ZMYM4: variants seen among roughly 807,000 people sequenced by gnomAD.
The protein encoded by ZMYM4 is zinc finger MYM-type protein 4.
ZMYM4 carries 31 observed loss-of-function variants against 183.2 expected under a neutral mutation model. The ratio of observed to expected loss-of-function variants is 0.17; its 90% CI spans 0.13 to 0.23. The LOEUF is 0.23. Among genes scored for constraint, ZMYM4 ranks in the 10% least tolerant of loss-of-function variants. The pLI, the probability that ZMYM4 is intolerant of heterozygous loss-of-function variation, is 1.00. For missense variants in ZMYM4, 1,273 were observed against 1,840.3 expected, an observed-to-expected ratio of 0.69 and a Z score of 5.64; for synonymous variants, 592 against 631.2, an observed-to-expected ratio of 0.94 and a Z score of 0.93.
chr1:35,401,730 G>A (rs1174639029), intron 23 of ZMYM4, among the ~76,000 whole-genome samples: 1 of 152,050 alleles, frequency 6.6e-6, no homozygotes, highest in Non-Finnish European at 1.5e-5. Flanking sequence ...TCTTCTAGAA[G>A]TTTTATAGTT....
At chr1:35,351,342 C>G in intron 2 of ZMYM4, 1 of 1,562,504 alleles carries the variant, frequency 6.4e-7, no homozygotes, top group Non-Finnish European at 8.8e-7. Flanking sequence ...AGATTACATG[C>G]ACTACTTAAT....
At chr1:35,298,999 A>C (rs1277983265) in intron 1 of ZMYM4, among the ~76,000 whole-genome samples, 1 of 151,176 alleles carries the variant, frequency 6.6e-6, no homozygotes, top group African/African-American at 2.4e-5. Context: ...TCTGTTTCTG[A>C]ACAAGTATTT....
chr1:35,298,941 G>A (rs1036756573), intron 1 of ZMYM4, among the ~76,000 whole-genome samples: 1 of 152,018 alleles, frequency 6.6e-6, no homozygotes, highest in Non-Finnish European at 1.5e-5. Flanking sequence ...TCTGCTGAGG[G>A]ACTTTCCTTT....
intron 7 of ZMYM4, among the ~76,000 whole-genome samples, chr1:35,379,889 C>T (rs559917717): frequency 1.3e-5 from 2 of 152,342 alleles, no homozygotes; most frequent in African/African-American, 2.4e-5. Context: ...TGCTATCTTA[C>T]ATTGACGTGG....
chr1:35,358,031 G>C lies in ZMYM4; in HGVS notation c.86-894G>C, dbSNP rs77271687. On this transcript the variant is annotated intron_variant, in intron 2 of 29. Transcript: ENST00000314607. ...TTATCCATGAGGGATATGCCATTTA[G>C]GAATTGAAAAAAGTCAATTTGCTTT... Among the ~76,000 whole-genome samples the C allele has an allele frequency of 1.1e-3, 173 of 152,250 alleles. 1 individual carries two copies. The East Asian group carries it at 0.03, about 26-fold the overall frequency.
At chr1:35,393,486 G>A (rs1644746945) in intron 17 of ZMYM4, 109 bp from the exon 18 acceptor site, 3 of 994,658 alleles carry the variant, frequency 3.0e-6, no homozygotes. Context: ...TACTTGCTAT[G>A]TCCTCCATGT....
intron 23 of ZMYM4, among the ~76,000 whole-genome samples, chr1:35,402,013 C>T (rs1644918620): frequency 6.6e-6 from 1 of 151,016 alleles, no homozygotes; most frequent in Admixed American, 6.6e-5. Flanking sequence ...TGTGATTTTA[C>T]AGTGAGCCTG....
At chr1:35,289,159 G>A (rs1367520662) in intron 1 of ZMYM4, among the ~76,000 whole-genome samples, 1 of 152,194 alleles carries the variant, frequency 6.6e-6, no homozygotes, top group Non-Finnish European at 1.5e-5. Flanking sequence ...AGGAAGAATA[G>A]ATAATTCTCT....
At chr1:35,323,377 A>G (rs1383157672) in intron 1 of ZMYM4, among the ~76,000 whole-genome samples, 1 of 152,172 alleles carries the variant, frequency 6.6e-6, no homozygotes, top group Non-Finnish European at 1.5e-5. Flanking sequence ...ATAGAGAGTC[A>G]TGAGAAATAT....
chr1:35,296,847 T>TC lies in ZMYM4; in HGVS notation c.39+27762_39+27763insC, dbSNP rs1350632583. Among the ~76,000 whole-genome samples, 9 of 93,578 alleles carry TC rather than the reference T, an allele frequency of 9.6e-5. 1 individual carries two copies. The highest frequency in any genetic ancestry group is 9.3e-4 in the African/African-American group (8 of 8,562). The allele number at this position is 93,578 out of a possible 152,430, so 61.4% of individuals were successfully genotyped here. A position where few individuals can be genotyped will look rare whatever the true frequency, so the allele number is the denominator to read the frequency against. ...TTTCTTTTTCTTTCTTTCTTTCTTT[T>TC]TTTTTTTTTTTTTTTTTTGAGATGG... On this transcript the variant is annotated intron_variant, in intron 1 of 29. Transcript: ENST00000314607.
At chr1:35,315,929 G>GA (rs1244516352) in intron 1 of ZMYM4, among the ~76,000 whole-genome samples, 16 of 149,712 alleles carry the variant, frequency 1.1e-4, no homozygotes, top group Middle Eastern at 3.4e-3. Context: ...CTGTCTGGGG[G>GA]AAAAAAAAAA....
intron 23 of ZMYM4, 90 bp downstream of exon 23, chr1:35,399,666 C>A: frequency 7.3e-7 from 1 of 1,366,824 alleles, no homozygotes; most frequent in Non-Finnish European, 1.0e-6. Context: ...TCTGTAACAG[C>A]CAGAGTCAGG....
At chr1:35,342,242 C>T (rs917027339) in intron 2 of ZMYM4, among the ~76,000 whole-genome samples, 4 of 152,006 alleles carry the variant, frequency 2.6e-5, no homozygotes, top group African/African-American at 9.7e-5. Context: ...GCAGCCCCCA[C>T]CTCTCATGCT....
intron 1 of ZMYM4, among the ~76,000 whole-genome samples, chr1:35,276,327 T>C (rs967171807): frequency 1.3e-5 from 2 of 150,550 alleles, no homozygotes; most frequent in African/African-American, 4.9e-5. Flanking sequence ...TTCCTTTTTT[T>C]CCATAGTTGA....
At chr1:35,416,273 T>A (rs928489736) in intron 28 of ZMYM4, among the ~76,000 whole-genome samples, 1 of 152,206 alleles carries the variant, frequency 6.6e-6, no homozygotes, top group African/African-American at 2.4e-5. Context: ...TTTTTAATGT[T>A]CAGAAACTTA....
At chr1:35,418,255 A>G (rs1332188533) in intron 28 of ZMYM4, among the ~76,000 whole-genome samples, 188 bp from the exon 29 acceptor site, 1 of 152,218 alleles carries the variant, frequency 6.6e-6, no homozygotes, top group Non-Finnish European at 1.5e-5. Context: ...GTTTAATGCC[A>G]TAGAATCCAG....
rs762414783 is a variant in ZMYM4 at position 35,307,539 on chromosome 1, A to ATT, written c.40-17820_40-17819dup. ...TATTTTTATTATTATTATTATTATT[A>ATT]TTATTTTTTTTTTGAGACAGAGTCT... On this transcript the variant is annotated intron_variant, in intron 1 of 29. Transcript: ENST00000314607. Among the ~76,000 whole-genome samples, 23 of 141,174 alleles carry ATT rather than the reference A, an allele frequency of 1.6e-4. No individual in the cohort carries two copies. In the East Asian group the frequency reaches 3.9e-3, roughly 24 times the overall value. The allele number at this position is 141,174 out of a possible 152,430, so 92.6% of individuals were successfully genotyped here.
At chr1:35,376,497 G>A (rs1000175353) in intron 7 of ZMYM4, among the ~76,000 whole-genome samples, 4 of 151,956 alleles carry the variant, frequency 2.6e-5, no homozygotes, top group East Asian at 3.9e-4. Context: ...TTTATGGCAC[G>A]TTATTCGTGT....
At chr1:35,281,545 C>T (rs1438837902) in intron 1 of ZMYM4, among the ~76,000 whole-genome samples, 2 of 151,890 alleles carry the variant, frequency 1.3e-5, no homozygotes, top group Non-Finnish European at 2.9e-5. Context: ...GATGGATATG[C>T]TAATTTGCTT....
Sources: gnomAD v4.1 joint callset for allele counts (sites outside exome capture counted in the v4.1 genomes callset) on GRCh38, gnomAD v4.1.1 for gene constraint, MANE v1.5 for transcripts, NCBI Gene and HGNC (gene_info 2026-07-23, HGNC 2026-07-21) for gene names.